Variants in SEMA3E observed in about 807,000 individuals in gnomAD.
SEMA3E encodes the protein semaphorin 3E.
A neutral mutation model predicts 93.6 loss-of-function variants in SEMA3E; 49 were observed. The observed-to-expected ratio is 0.52, with a 90% confidence interval of 0.42 to 0.66. The LOEUF (loss-of-function observed/expected upper bound fraction) is 0.66, where lower values mean the gene tolerates loss of function less well. Ranked by LOEUF, SEMA3E falls within the 30% of genes least tolerant of loss-of-function variation. SEMA3E has a pLI of 0.00. For missense variants in SEMA3E, 906 were observed against 964.8 expected (o/e 0.94, Z 0.81); for synonymous variants, 363 against 330.7 (o/e 1.10, Z -1.06).
chr7:83,539,073 G>A (rs1286584183), intron 1 of SEMA3E, among the ~76,000 whole-genome samples: 1 of 151,566 alleles, frequency 6.6e-6, no homozygotes, highest in Admixed American at 6.6e-5. Context: ...TCAGTTTACA[G>A]ACCCACAGAA....
Position 83,418,409 on chromosome 7 carries a change from G to T in SEMA3E, c.531C>A (p.Ser177=), listed in dbSNP as rs1437484719. 6.2e-7 allele frequency: 1 copy of T among 1,610,912 alleles called. No homozygotes were observed. Among genetic ancestry groups the T allele is most frequent in the Admixed American group, 1.7e-5 (1 of 59,708 alleles). The part of the protein sequence containing the change: ...RGRCPFDPSS[S]FISTLIGSEL... ...AATTACCAATTAAAGTGGAGATGAA[G>T]GAGGAGCTGGGGTCAAAAGGACATC... Residue 177 remains serine (S), a synonymous_variant, in exon 5 of 17, where the codon TCC becomes TCA. Transcript: ENST00000643230.
intron 1 of SEMA3E, among the ~76,000 whole-genome samples, chr7:83,627,227 T>C (rs1793687931): frequency 6.6e-6 from 1 of 152,214 alleles, no homozygotes; most frequent in African/African-American, 2.4e-5. Context: ...GTCCACTTGG[T>C]CCAGAGCTAA....
intron 1 of SEMA3E, among the ~76,000 whole-genome samples, chr7:83,499,042 C>A (rs1244151729): frequency 6.6e-6 from 1 of 152,036 alleles, no homozygotes; most frequent in Non-Finnish European, 1.5e-5. Flanking sequence ...CTTTACCTTT[C>A]TTTTCTTCAC....
At chr7:83,563,236 T>G (rs955535173) in intron 1 of SEMA3E, among the ~76,000 whole-genome samples, 1 of 152,186 alleles carries the variant, frequency 6.6e-6, no homozygotes, top group African/African-American at 2.4e-5. Flanking sequence ...TATGGTGTCA[T>G]GATTATCACC....
chr7:83,491,303 C>A (rs1015405078), intron 1 of SEMA3E, among the ~76,000 whole-genome samples: 8 of 151,948 alleles, frequency 5.3e-5, no homozygotes, highest in Non-Finnish European at 8.8e-5. Context: ...TATGTCTCTA[C>A]CCTCAAACTG....
rs748722795 is a variant in SEMA3E, at chr7:83,402,726, C to T, written c.1049G>A (p.Arg350Gln). The T allele has an allele frequency of 3.0e-5, 49 of 1,612,676 alleles. No homozygotes were observed. Among genetic ancestry groups the T allele is most frequent in the Middle Eastern group, 1.6e-4 (1 of 6,078 alleles). The part of the protein sequence containing the change: ...AICVYHMSSI[R>Q]AAFNGPYAHK... ...TGCATATGGTCCGTTGAAGGCTGCCCGAATGCTAGACATGTGATAGACACA... is the reference window on the plus strand; with the variant it reads ...TGCATATGGTCCGTTGAAGGCTGCCTGAATGCTAGACATGTGATAGACACA... The change falls in exon 10 of 17, where the codon CGG becomes CAG. Residue 350 changes from arginine (R) to glutamine (Q), a missense_variant. Transcript: ENST00000643230.
intron 4 of SEMA3E, among the ~76,000 whole-genome samples, chr7:83,462,876 C>T (rs1346513984): frequency 3.8e-5 from 5 of 130,828 alleles, no homozygotes; most frequent in Admixed American, 8.6e-5. Flanking sequence ...TCCTCAATAC[C>T]TGCCTCTACA....
intron 1 of SEMA3E, among the ~76,000 whole-genome samples, chr7:83,506,015 C>CAAA (rs57051446): frequency 9.2e-5 from 8 of 87,412 alleles, no homozygotes; most frequent in Admixed American, 4.3e-4. Context: ...ACTCCGTCTC[C>CAAA]AAAAAAAAAA....
chr7:83,636,676 C>T (rs1355962401), intron 1 of SEMA3E, among the ~76,000 whole-genome samples: 2 of 151,976 alleles, frequency 1.3e-5, no homozygotes, highest in Non-Finnish European at 2.9e-5. Flanking sequence ...TTAGCAAGGA[C>T]AAAGAACGTG....
chr7:83,533,946 C>A (rs1306977552), intron 1 of SEMA3E, among the ~76,000 whole-genome samples: 1 of 152,128 alleles, frequency 6.6e-6, no homozygotes, highest in Non-Finnish European at 1.5e-5. Flanking sequence ...CTTCTTGCCT[C>A]TAGGACTCTC....
At chr7:83,445,004 C>T (rs960456012) in intron 4 of SEMA3E, among the ~76,000 whole-genome samples, 1 of 151,898 alleles carries the variant, frequency 6.6e-6, no homozygotes, top group Non-Finnish European at 1.5e-5. Context: ...AAACATGGTC[C>T]TAAAAATGAA....
intron 5 of SEMA3E, among the ~76,000 whole-genome samples, 172 bp downstream of exon 5, chr7:83,418,218 A>G (rs1373557137): frequency 6.6e-6 from 1 of 152,196 alleles, no homozygotes; most frequent in East Asian, 1.9e-4. Flanking sequence ...TTTAGAGTCA[A>G]ATTGCTCAGG....
intron 4 of SEMA3E, among the ~76,000 whole-genome samples, chr7:83,445,088 A>C (rs1789199738): frequency 6.6e-6 from 1 of 152,200 alleles, no homozygotes; most frequent in Non-Finnish European, 1.5e-5. Context: ...AAAATGAGTT[A>C]AGGAAGACAT....
chr7:83,642,634 CA>C (rs2115715570), intron 1 of SEMA3E, among the ~76,000 whole-genome samples: 1 of 151,980 alleles, frequency 6.6e-6, no homozygotes, highest in Admixed American at 6.6e-5. Flanking sequence ...CTTATGCCTC[CA>C]ATGTTATTTA....
chr7:83,492,339 G>A (rs1790403895), intron 1 of SEMA3E, among the ~76,000 whole-genome samples: 1 of 151,906 alleles, frequency 6.6e-6, no homozygotes, highest in Non-Finnish European at 1.5e-5. Context: ...TACCCAGTGA[G>A]GTGATTAATA....
At chr7:83,392,476 T>C in intron 14 of SEMA3E, 79 bp downstream of exon 14, 5 of 1,436,358 alleles carry the variant, frequency 3.5e-6, no homozygotes, top group South Asian at 1.2e-5. Flanking sequence ...TCTGGAAAAC[T>C]TCAAGTTAAA....
At chr7:83,605,002 G>A (rs953925062) in intron 1 of SEMA3E, among the ~76,000 whole-genome samples, 1 of 152,174 alleles carries the variant, frequency 6.6e-6, no homozygotes, top group African/African-American at 2.4e-5. Flanking sequence ...TGGTGTATAT[G>A]TATCTCATTA....
intron 5 of SEMA3E, among the ~76,000 whole-genome samples, chr7:83,413,710 G>C: frequency 6.6e-6 from 1 of 152,126 alleles, no homozygotes. Flanking sequence ...ATTTTGGTTT[G>C]GGAAGATGAT....
At chr7:83,647,983 A>G (rs1412175066) in intron 1 of SEMA3E, among the ~76,000 whole-genome samples, 1 of 152,168 alleles carries the variant, frequency 6.6e-6, no homozygotes, top group Non-Finnish European at 1.5e-5. Flanking sequence ...AACAAAACAA[A>G]ACAAAAACAA....
Sources: gnomAD v4.1 joint callset for allele counts (sites outside exome capture counted in the v4.1 genomes callset) on GRCh38, gnomAD v4.1.1 for gene constraint, MANE v1.5 for transcripts, NCBI Gene and HGNC (gene_info 2026-07-23, HGNC 2026-07-21) for gene names.